The following PLEKHN1 variants were observed in gnomAD, a reference collection of about 807,000 sequenced individuals.
The protein encoded by PLEKHN1 is pleckstrin homology domain-containing family N member 1.
PLEKHN1 carries 68 observed loss-of-function variants against 72.8 expected under a neutral mutation model. That is an observed-to-expected ratio of 0.93 (90% CI 0.77 to 1.14). PLEKHN1 has a LOEUF of 1.14. Ranked by LOEUF, PLEKHN1 falls within the 50% of genes most tolerant of loss-of-function variation. PLEKHN1 has a pLI of 0.00. For synonymous variants in PLEKHN1, 454 were observed against 371.6 expected, an observed-to-expected ratio of 1.22 and a Z score of -2.55; for missense variants, 1,015 against 840.5, an observed-to-expected ratio of 1.21 and a Z score of -2.57.
At chr1:971,062 A>T (rs760238397) in intron 6 of PLEKHN1, 51 bp from the exon 7 acceptor site, 1 of 1,570,046 alleles carries the variant, frequency 6.4e-7, no homozygotes, top group South Asian at 1.2e-5. Context: ...GCCGGCTCTG[A>T]CCTCCTCCTC....
intron 8 of PLEKHN1, among the ~76,000 whole-genome samples, chr1:971,716 G>A (rs888207343): frequency 4.6e-5 from 7 of 152,218 alleles, no homozygotes; most frequent in Non-Finnish European, 5.9e-5. Flanking sequence ...GTGCGTGTGC[G>A]TGTGTCCTCC....
Position 973,325 on chromosome 1 carries a change from A to G in PLEKHN1, c.1292A>G (p.Gln431Arg). 6.5e-7 allele frequency: 1 copy of G among 1,547,380 alleles called. No homozygotes were observed. Among genetic ancestry groups the G allele is most frequent in the South Asian group, 1.2e-5 (1 of 84,592 alleles). ...ACCCCACTGCACCTGGACCTGACCC[A>G]GGTGGGCCCAGCACACCCACACAGC... ...PVTPLHLDLT[Q>R]LHRLSLESSP... is the part of the protein sequence containing the mutation. The change falls in exon 12 of 16, where the codon CAG becomes CGG. Residue 431 changes from glutamine to arginine, a missense_variant and splice_region_variant. Coordinates refer to ENST00000379410, the MANE Select transcript of PLEKHN1 (RefSeq NM_032129.3).
Position 970,836 on chromosome 1 carries a change from A to T in PLEKHN1, c.485-43A>T. ...AGAGGGGCCTGCCCTGTGGCTGCGG[A>T]GCACGTGTGTGTATGTGTGTGCCCT... On this transcript the variant is annotated intron_variant, in intron 5 of 15. Coordinates refer to ENST00000379410, the MANE Select transcript of PLEKHN1 (RefSeq NM_032129.3). The surrounding 1 kb of genome is among the most constrained non-coding windows in gnomAD (Gnocchi z 4.2). 6.2e-7 allele frequency: 1 copy of T among 1,612,450 alleles called. No individual in the cohort carries two copies. The highest frequency in any genetic ancestry group is 1.3e-5 in the African/African-American group (1 of 75,004).
chr1:971,516 G>A (rs1444317329), intron 8 of PLEKHN1, 112 bp downstream of exon 8: 19 of 1,043,740 alleles, frequency 1.8e-5, no homozygotes, highest in East Asian at 7.8e-5. Flanking sequence ...ACAGAGCGCA[G>A]GGCCCTGCCC....
chr1:967,273 C>T (rs997602675), intron 2 of PLEKHN1, among the ~76,000 whole-genome samples: 2 of 152,180 alleles, frequency 1.3e-5, no homozygotes, highest in African/African-American at 2.4e-5. Flanking sequence ...GTGCACGCGC[C>T]GGCCTCCTCC....
chr1:971,282 G>A (rs1429464226), intron 7 of PLEKHN1, 42 bp from the exon 8 acceptor site: 4 of 1,555,690 alleles, frequency 2.6e-6, no homozygotes, highest in African/African-American at 1.4e-5. Flanking sequence ...TGCAACAGCA[G>A]CTCAGTTCCC....
chr1:973,656 G>A lies in PLEKHN1; in HGVS notation c.1434+16G>A, dbSNP rs551170933. On this transcript the variant is annotated intron_variant, in intron 13 of 15. Transcript: ENST00000379410. ...CCTGGAGGAGGTCAGGCCCCTGCTG[G>A]GTGACAGAAAGGGTGGGAGGTGCCT... The A allele has an allele frequency of 3.1e-6, 5 of 1,610,494 alleles. No individual in the cohort carries two copies. In the East Asian group the frequency reaches 8.9e-5, roughly 29 times the overall value.
Position 974,687 on chromosome 1 carries a change from A to G in PLEKHN1, c.*112A>G. The G allele has an allele frequency of 7.7e-7, 1 of 1,299,400 alleles. No homozygotes were observed. The highest frequency in any genetic ancestry group is 1.0e-6 in the Non-Finnish European group (1 of 979,874). The allele number at this position is 1,299,400 out of a possible 1,614,324, so 80.5% of individuals were successfully genotyped here. ...GGTCTGAACCCAGTGTGATGGGGGGAGTCTCTGGGGCCCTGAGTTCAGAGC... is the reference window on the plus strand; with the variant it reads ...GGTCTGAACCCAGTGTGATGGGGGGGGTCTCTGGGGCCCTGAGTTCAGAGC... On this transcript the variant is annotated 3_prime_UTR_variant, in exon 16 of 16. Coordinates refer to ENST00000379410, the MANE Select transcript of PLEKHN1 (RefSeq NM_032129.3).
intron 1 of PLEKHN1, 28 bp downstream of exon 1, chr1:966,642 G>A: frequency 6.3e-7 from 1 of 1,597,874 alleles, no homozygotes; most frequent in Non-Finnish European, 8.5e-7. Flanking sequence ...GCGGCCACCT[G>A]GGCGCAGGGC....
At chr1:971,557 TC>T in intron 8 of PLEKHN1, 153 bp downstream of exon 8, 1 of 716,680 alleles carries the variant, frequency 1.4e-6, no homozygotes, top group Non-Finnish European at 2.4e-6. Context: ...CAGTCTGGTC[TC>T]CGCTGTGACA....
chr1:971,356 A>G lies in PLEKHN1; in HGVS notation c.741A>G (p.Pro247=), dbSNP rs1436124204. Residue 247 remains proline, a synonymous_variant, in exon 8 of 16, where the codon CCA becomes CCG. Transcript: ENST00000379410. ...GGGACCGGCTCTTGGTCCTGTACCCAACGTCCTTGGCCATTTTCTCCGAGG... is the reference window on the plus strand; with the variant it reads ...GGGACCGGCTCTTGGTCCTGTACCCGACGTCCTTGGCCATTTTCTCCGAGG... The part of the protein sequence containing the change: ...EQWDRLLVLY[P]TSLAIFSEEL... The G allele has an allele frequency of 6.4e-7, 1 of 1,566,532 alleles. No homozygotes were observed. Among genetic ancestry groups the G allele is most frequent in the African/African-American group, 1.4e-5 (1 of 72,744 alleles).
At chr1:968,563 T>G (rs1309484162) in intron 2 of PLEKHN1, among the ~76,000 whole-genome samples, 1 of 152,158 alleles carries the variant, frequency 6.6e-6, no homozygotes, top group Non-Finnish European at 1.5e-5. Context: ...GTGAACGGAA[T>G]AGACAACCCC....
Position 970,864 on chromosome 1 carries a change from C to G in PLEKHN1, c.485-15C>G. ...ACGTGTGTGTATGTGTGTGCCCTCT[C>G]TGCCCTGCCCGCAGGCCCACTGCCC... On this transcript the variant is annotated splice_polypyrimidine_tract_variant and intron_variant, in intron 5 of 15. Transcript: ENST00000379410. This position sits in a 1 kb window ranked among gnomAD's most constrained non-coding sequence, Gnocchi z 4.2. 6.2e-7 allele frequency: 1 copy of G among 1,611,960 alleles called. No individual in the cohort carries two copies. The highest frequency in any genetic ancestry group is 8.5e-7 in the Non-Finnish European group (1 of 1,179,952).
At chr1:973,155 G>T in intron 11 of PLEKHN1, 31 bp from the exon 12 acceptor site, 1 of 1,498,970 alleles carries the variant, frequency 6.7e-7, no homozygotes, top group Non-Finnish European at 9.0e-7. Flanking sequence ...GGGCCAAAGG[G>T]CTCTTCCTGG....
chr1:973,657 G>A lies in PLEKHN1; in HGVS notation c.1434+17G>A, dbSNP rs764354254. On this transcript the variant is annotated intron_variant, in intron 13 of 15. Coordinates refer to ENST00000379410, the MANE Select transcript of PLEKHN1 (RefSeq NM_032129.3). Reference sequence around the variant, plus strand: ...CTGGAGGAGGTCAGGCCCCTGCTGGGTGACAGAAAGGGTGGGAGGTGCCTG... The same window carrying A: ...CTGGAGGAGGTCAGGCCCCTGCTGGATGACAGAAAGGGTGGGAGGTGCCTG... 6.2e-7 allele frequency: 1 copy of A among 1,610,276 alleles called. No homozygotes were observed. The highest frequency in any genetic ancestry group is 2.2e-5 in the East Asian group (1 of 44,854).
In PLEKHN1 at chr1:972,383, G is replaced by GC. The variant is rs759191017; in HGVS notation, c.965dup (p.Pro323AlafsTer47). On this transcript the variant is annotated frameshift_variant, in exon 10 of 16. Coordinates refer to ENST00000379410, the MANE Select transcript of PLEKHN1 (RefSeq NM_032129.3). LOFTEE classifies it high-confidence loss of function. The stretch of plus-strand genomic sequence containing the variant: ...TCGCGCTGTCACCCACAGGGAGGGG[G>GC]CCCCGCCGCTGCCTGGTGCCGAGAG... 1.9e-6 allele frequency: 3 copies of GC among 1,564,212 alleles called. No individual in the cohort carries two copies. Among genetic ancestry groups the GC allele is most frequent in the Admixed American group, 1.9e-5 (1 of 52,510 alleles).
intron 6 of PLEKHN1, 42 bp from the exon 7 acceptor site, chr1:971,071 T>G: frequency 1.3e-6 from 2 of 1,578,916 alleles, no homozygotes; most frequent in Admixed American, 1.8e-5. Context: ...GACCTCCTCC[T>G]CACAGGGGTC....
In PLEKHN1 at chr1:973,486, C is replaced by T. The variant is rs1322712482; in HGVS notation, c.1294-14C>T. 2 of 1,611,836 alleles carry T rather than the reference C, an allele frequency of 1.2e-6. No individual in the cohort carries two copies. Among genetic ancestry groups the T allele is most frequent in the Admixed American group, 1.7e-5 (1 of 59,930 alleles). On this transcript the variant is annotated splice_polypyrimidine_tract_variant and intron_variant, in intron 12 of 15. Coordinates refer to ENST00000379410, the MANE Select transcript of PLEKHN1 (RefSeq NM_032129.3). ...CTAGCCGAGAAGCCCATTTCTCCCA[C>T]CTCTGCCCTGCAGCTGCACAGGCTG... is the stretch of plus-strand genomic sequence containing the variant.
chr1:967,380 C>CA (rs1002753897), intron 2 of PLEKHN1, among the ~76,000 whole-genome samples: 3 of 151,692 alleles, frequency 2.0e-5, no homozygotes, highest in Admixed American at 1.3e-4. Context: ...ATGCCCACCC[C>CA]CCCCCCAGCC....
Sources: gnomAD v4.1 joint callset for allele counts (sites outside exome capture counted in the v4.1 genomes callset) on GRCh38, gnomAD v4.1.1 for gene constraint, Gnocchi (gnomAD v3.1) non-coding constraint, MANE v1.5 for transcripts, NCBI Gene and HGNC (gene_info 2026-07-23, HGNC 2026-07-21) for gene names.